THOC6: variants seen among roughly 807,000 people sequenced by gnomAD.
The protein encoded by THOC6 is THO complex 6.
Under a neutral mutation model 55.8 loss-of-function variants are expected in THOC6, and 39 were observed. That is an observed-to-expected ratio of 0.70 (90% CI 0.54 to 0.91). The LOEUF is 0.91. THOC6 is among the 40% of genes least tolerant of loss of function. The pLI is 0.00. For synonymous variants in THOC6, 192 were observed against 175.6 expected (o/e 1.09, Z -0.74); for missense variants, 482 against 442.0 (o/e 1.09, Z -0.81).
intron 10 of THOC6, 45 bp downstream of exon 10, chr16:3,027,118 G>A (rs2072816511): frequency 1.9e-6 from 3 of 1,614,078 alleles, no homozygotes; most frequent in Non-Finnish European, 2.5e-6. Context: ...TCCGGGCCCT[G>A]TCAGCTGTGG....
chr16:3,026,110 C>T lies in THOC6; in HGVS notation c.268C>T (p.Leu90Phe). Residue 90 changes from leucine (L) to phenylalanine (F), a missense_variant, in exon 4 of 13, where the codon CTT (leucine) becomes TTT (phenylalanine). Physicochemically the swap from Leu to Phe is conservative, Grantham distance 22. Transcript: ENST00000326266. ...CATGGTTTCCACCGATCGACATCTG[C>T]TTAGTGCTGGGGATGGGGAGGTGAA... Reference protein sequence around the residue: ...YSMVSTDRHLLSAGDGEVKAW... With the variant: ...YSMVSTDRHLFSAGDGEVKAW... 1 of 1,609,006 alleles carries T rather than the reference C, an allele frequency of 6.2e-7. No homozygotes were observed. Among genetic ancestry groups the T allele is most frequent in the African/African-American group, 1.3e-5 (1 of 74,882 alleles).
At chr16:3,027,106 G>C in intron 10 of THOC6, 33 bp downstream of exon 10, 2 of 1,614,170 alleles carry the variant, frequency 1.2e-6, no homozygotes, top group Non-Finnish European at 1.7e-6. Context: ...TGGGATGGCA[G>C]CTCCGGGCCC....
At chr16:3,025,330 A>T (rs2072758782) in intron 1 of THOC6, among the ~76,000 whole-genome samples, 1 of 152,168 alleles carries the variant, frequency 6.6e-6, no homozygotes, top group Non-Finnish European at 1.5e-5. Flanking sequence ...GCTGGATTAC[A>T]GGCATGAACC....
At chr16:3,026,018 G>A (rs1407384091) in intron 3 of THOC6, 30 bp downstream of exon 3, 1 of 1,614,186 alleles carries the variant, frequency 6.2e-7, no homozygotes, top group Admixed American at 1.7e-5. Flanking sequence ...CTGGCTTCAG[G>A]ACTTTGGGTG....
chr16:3,026,951 C>G (rs2072811932), intron 9 of THOC6, 35 bp downstream of exon 9: 1 of 1,614,146 alleles, frequency 6.2e-7, no homozygotes, highest in Non-Finnish European at 8.5e-7. Flanking sequence ...TCCTCTTCTC[C>G]CCCAACTCCT....
rs749122739 is a variant in THOC6, at chr16:3,026,882, A to C, written c.602A>C (p.Lys201Thr). 26 of 1,614,186 alleles carry C rather than the reference A, an allele frequency of 1.6e-5. No homozygotes were observed. The highest frequency in any genetic ancestry group is 2.1e-5 in the Non-Finnish European group (25 of 1,180,024). ...TTCCCCGCAGACCTGCGCACAGCCA[A>C]GGAGGTCCAGACGATCGAGGTCTAT... ...AVRLWDLRTA[K>T]EVQTIEVYKH... Residue 201 changes from lysine to threonine, a missense_variant, in exon 9 of 13, where the codon AAG becomes ACG. Lys to Thr is a moderately conservative substitution (Grantham distance 78, BLOSUM62 -1). Coordinates refer to ENST00000326266, the MANE Select transcript of THOC6 (RefSeq NM_024339.5).
At chr16:3,024,496 G>C (rs1178703122) in intron 1 of THOC6, 131 bp downstream of exon 1, 17 of 1,154,188 alleles carry the variant, frequency 1.5e-5, no homozygotes, top group African/African-American at 7.6e-5. Flanking sequence ...CTCTGACCAG[G>C]GGGGCGGGAT....
In THOC6 at chr16:3,026,596, G is replaced by C. The variant is rs763721961; in HGVS notation, c.483+9G>C. On this transcript the variant is annotated intron_variant, in intron 7 of 12. Transcript: ENST00000326266. ...AAACTGGGACTTTCACGGTGAGCAG[G>C]GTCCTGGAGCCCTAGAGCAGGTCTA... 6 of 1,613,898 alleles carry C rather than the reference G, an allele frequency of 3.7e-6. No individual in the cohort carries two copies. In the South Asian group the frequency reaches 4.4e-5, roughly 12 times the overall value.
At position 3,026,125 on chromosome 16, in the gene THOC6, G is replaced by A. The variant is rs924628776; in HGVS notation, c.283G>A (p.Gly95Arg). The change falls in exon 4 of 13, where the codon GGG becomes AGG. Residue 95 changes from glycine to arginine, a missense_variant. Coordinates refer to ENST00000326266, the MANE Select transcript of THOC6 (RefSeq NM_024339.5). ...TCGACATCTGCTTAGTGCTGGGGATGGGGAGGTGAAGGCCTGGCTTTGGGC... is the reference window on the plus strand; with the variant it reads ...TCGACATCTGCTTAGTGCTGGGGATAGGGAGGTGAAGGCCTGGCTTTGGGC... ...TDRHLLSAGD[G>R]EVKAWLWAEM... 2 of 1,608,424 alleles carry A rather than the reference G, an allele frequency of 1.2e-6. No individual in the cohort carries two copies. The highest frequency in any genetic ancestry group is 1.3e-5 in the African/African-American group (1 of 74,748).
intron 6 of THOC6, 29 bp downstream of exon 6, chr16:3,026,442 C>G: frequency 6.2e-7 from 1 of 1,614,120 alleles, no homozygotes. Flanking sequence ...TGTTCTTGGT[C>G]CAAACTTTGA....
chr16:3,024,284 G>A lies in THOC6; in HGVS notation c.-43G>A. 1.2e-6 allele frequency: 2 copies of A among 1,613,974 alleles called. No homozygotes were observed. The highest frequency in any genetic ancestry group is 1.7e-6 in the Non-Finnish European group (2 of 1,179,916). ...CTCTAGGCACGTAAGGCCTCGTGAGGTTGCGTCGCGCGCGGAGCACTCTGG... is the reference window on the plus strand; with the variant it reads ...CTCTAGGCACGTAAGGCCTCGTGAGATTGCGTCGCGCGCGGAGCACTCTGG... On this transcript the variant is annotated 5_prime_UTR_variant, in exon 1 of 13. Coordinates refer to ENST00000326266, the MANE Select transcript of THOC6 (RefSeq NM_024339.5).
At position 3,027,141 on chromosome 16, in the gene THOC6, C is replaced by T. The variant is rs368586530; in HGVS notation, c.700-29C>T. ...CTGTCAGCTGTGGGCCTGTGGTTCACAGCTGGGGACTCCCACCTTTCTGTC... is the reference window on the plus strand; with the variant it reads ...CTGTCAGCTGTGGGCCTGTGGTTCATAGCTGGGGACTCCCACCTTTCTGTC... On this transcript the variant is annotated intron_variant, in intron 10 of 12. Transcript: ENST00000326266. 2.5e-6 allele frequency: 4 copies of T among 1,614,136 alleles called. No individual in the cohort carries two copies. In the Admixed American group the frequency reaches 5.0e-5, roughly 20 times the overall value.
At chr16:3,025,031 C>T (rs1383278458) in intron 1 of THOC6, among the ~76,000 whole-genome samples, 1 of 150,360 alleles carries the variant, frequency 6.7e-6, no homozygotes, top group Non-Finnish European at 1.5e-5. Flanking sequence ...CAACCTCCGC[C>T]TCCCAGATTC....
At position 3,025,836 on chromosome 16, in the gene THOC6, G is replaced by T. The variant is rs774258570; in HGVS notation, c.155+13G>T. 6.2e-7 allele frequency: 1 copy of T among 1,613,936 alleles called. No homozygotes were observed. The highest frequency in any genetic ancestry group is 8.5e-7 in the Non-Finnish European group (1 of 1,179,932). ...TTGCCATCTTCAGGTACCCTCTGCC[G>T]CTGTCCACCCATTAGCCCTGGCACT... is the stretch of plus-strand genomic sequence containing the variant. On this transcript the variant is annotated intron_variant, in intron 2 of 12. Transcript: ENST00000326266.
rs779566021 is a variant in THOC6 at position 3,026,246 on chromosome 16, T to G, written c.325-5T>G. 1.6e-5 allele frequency: 26 copies of G among 1,613,952 alleles called. No homozygotes were observed. Among genetic ancestry groups the G allele is most frequent in the Non-Finnish European group, 2.1e-5 (25 of 1,180,012 alleles). Reference sequence around the variant, plus strand: ...TGAGGTCACCTGGTATTTTCTCTTTTGAAGGGCTGTAAGGAGCTGTGGCGT... The same window carrying G: ...TGAGGTCACCTGGTATTTTCTCTTTGGAAGGGCTGTAAGGAGCTGTGGCGT... On this transcript the variant is annotated splice_polypyrimidine_tract_variant and splice_region_variant and intron_variant, in intron 4 of 12. Transcript: ENST00000326266.
chr16:3,026,114 G>A lies in THOC6; in HGVS notation c.272G>A (p.Ser91Asn), dbSNP rs1224335497. ...SMVSTDRHLLSAGDGEVKAWL... is the reference protein window; with the variant it reads ...SMVSTDRHLLNAGDGEVKAWL... ...GTTTCCACCGATCGACATCTGCTTA[G>A]TGCTGGGGATGGGGAGGTGAAGGCC... Residue 91 changes from serine (S) to asparagine (N), a missense_variant, in exon 4 of 13, where the codon AGT becomes AAT. Coordinates refer to ENST00000326266, the MANE Select transcript of THOC6 (RefSeq NM_024339.5). The A allele has an allele frequency of 1.9e-6, 3 of 1,609,266 alleles. No homozygotes were observed. The South Asian group carries it at 3.3e-5, about 18-fold the overall frequency.
rs1208577208 is a variant in THOC6, at chr16:3,025,743, G to C, written c.75G>C (p.Met25Ile). ...EVFQALQRLH[M>I]TIFSQSVSPC... ...TCCAGGCCTTGCAGCGGCTCCATAT[G>C]ACCATCTTCTCCCAGAGCGTCTCAC... Residue 25 changes from methionine to isoleucine, a missense_variant, in exon 2 of 13, where the codon ATG becomes ATC. Transcript: ENST00000326266. 6.2e-7 allele frequency: 1 copy of C among 1,614,138 alleles called. No homozygotes were observed. The highest frequency in any genetic ancestry group is 8.5e-7 in the Non-Finnish European group (1 of 1,180,004).
chr16:3,026,487 A>G (rs1441513040), intron 6 of THOC6, 29 bp from the exon 7 acceptor site: 1 of 1,613,906 alleles, frequency 6.2e-7, no homozygotes. Flanking sequence ...TTTGACATTG[A>G]CTTTCTGCCT....
rs368011594 is a variant in THOC6, at chr16:3,026,663, G to A, written c.484-16G>A. On this transcript the variant is annotated splice_polypyrimidine_tract_variant and intron_variant, in intron 7 of 12. Transcript: ENST00000326266. ...TCTTCCTAGGTCTCCTCCTGACATCGCCCCTCTACATGCAGAGGGTCCTCC... is the reference window on the plus strand; with the variant it reads ...TCTTCCTAGGTCTCCTCCTGACATCACCCCTCTACATGCAGAGGGTCCTCC... 1.5e-4 allele frequency: 237 copies of A among 1,610,482 alleles called. No individual in the cohort carries two copies. The African/African-American group carries it at 2.4e-3, about 16-fold the overall frequency.
Sources: allele counts gnomAD v4.1 joint callset (sites outside exome capture counted in the v4.1 genomes callset), GRCh38; gene constraint gnomAD v4.1.1; transcripts MANE v1.5; gene names NCBI Gene and HGNC (gene_info 2026-07-23, HGNC 2026-07-21).